Variants in DDX10 observed in about 807,000 individuals in gnomAD.
DDX10 encodes the protein DEAD-box helicase 10.
Under a neutral mutation model 104.3 loss-of-function variants are expected in DDX10, and 74 were observed. The observed-to-expected ratio is 0.71, with a 90% CI of 0.59 to 0.86. The LOEUF is 0.86. DDX10 is among the 40% of genes least tolerant of loss of function. The pLI is 0.00. For missense variants in DDX10, 952 were observed against 1,040.0 expected (o/e 0.92, Z 1.16); for synonymous variants, 351 against 353.4 (o/e 0.99, Z 0.08).
At chr11:108,879,530 G>A (rs1863199288) in intron 16 of DDX10, among the ~76,000 whole-genome samples, 1 of 152,128 alleles carries the variant, frequency 6.6e-6, no homozygotes, top group South Asian at 2.1e-4. Flanking sequence ...GATAAGATTT[G>A]CAGCAGATTT....
rs1264141058 is a variant in DDX10 at position 108,693,897 on chromosome 11, T to A, written c.1223+297T>A. 2.0e-5 allele frequency among the ~76,000 whole-genome samples: 3 copies of A among 152,222 alleles called. No individual in the cohort carries two copies. The East Asian group carries it at 5.8e-4, about 29-fold the overall frequency. On this transcript the variant is annotated intron_variant, in intron 9 of 17. Transcript: ENST00000322536. ...ATGACCTGTCAGTTAGGTCTAGGACTGCAGTAGTCCTCACTTATCCTCAGG... is the reference window on the plus strand; with the variant it reads ...ATGACCTGTCAGTTAGGTCTAGGACAGCAGTAGTCCTCACTTATCCTCAGG...
At chr11:108,934,898 T>TG (rs952940906) in intron 17 of DDX10, among the ~76,000 whole-genome samples, 3 of 152,202 alleles carry the variant, frequency 2.0e-5, no homozygotes, top group Admixed American at 6.5e-5. Context: ...TTGAGTGTTC[T>TG]GGGGGTGCTC....
Position 108,675,687 on chromosome 11 carries a change from C to T in DDX10, c.339C>T (p.Ala113=). ...AAGGTAAAGATGTACTTGGAGCGGC[C>T]AAAACTGGATCTGGCAAGACTCTGG... ...ALQGKDVLGA[A]KTGSGKTLAF... is the part of the protein sequence containing the mutation. The change falls in exon 3 of 18, where the codon GCC becomes GCT. Residue 113 remains alanine (A), a synonymous_variant. Coordinates refer to ENST00000322536, the MANE Select transcript of DDX10 (RefSeq NM_004398.4). 1.2e-6 allele frequency: 2 copies of T among 1,614,128 alleles called. No homozygotes were observed. The highest frequency in any genetic ancestry group is 1.7e-6 in the Non-Finnish European group (2 of 1,180,018).
intron 13 of DDX10, among the ~76,000 whole-genome samples, chr11:108,759,146 T>A (rs1189333499): frequency 6.6e-6 from 1 of 152,106 alleles, no homozygotes; most frequent in Non-Finnish European, 1.5e-5. Context: ...GCTAATAAAA[T>A]AAATTGGAAA....
intron 17 of DDX10, among the ~76,000 whole-genome samples, chr11:108,925,334 C>CT (rs1863894943): frequency 6.6e-6 from 1 of 152,148 alleles, no homozygotes; most frequent in African/African-American, 2.4e-5. Flanking sequence ...GCTTTCTACT[C>CT]TATCATTTAG....
At chr11:108,878,652 TG>T (rs1317676871) in intron 16 of DDX10, among the ~76,000 whole-genome samples, 1 of 152,238 alleles carries the variant, frequency 6.6e-6, no homozygotes, top group Non-Finnish European at 1.5e-5. Flanking sequence ...CATGTTATCA[TG>T]GGATTCTCTA....
intron 16 of DDX10, among the ~76,000 whole-genome samples, chr11:108,885,266 A>G (rs915503901): frequency 1.3e-5 from 2 of 151,496 alleles, no homozygotes; most frequent in Non-Finnish European, 1.5e-5. Flanking sequence ...TGGTACCTCT[A>G]GTAGCTCCTC....
chr11:108,709,472 A>G (rs2094281088), intron 10 of DDX10, among the ~76,000 whole-genome samples: 2 of 152,244 alleles, frequency 1.3e-5, no homozygotes, highest in Admixed American at 6.5e-5. Context: ...TTTAATAGAT[A>G]GTAGCCTATT....
intron 16 of DDX10, among the ~76,000 whole-genome samples, chr11:108,889,677 C>T (rs1863348873): frequency 6.6e-6 from 1 of 152,108 alleles, no homozygotes. Flanking sequence ...GTTATTTAAT[C>T]ATAGAATAGC....
chr11:108,722,265 G>A (rs2094299237), intron 12 of DDX10, among the ~76,000 whole-genome samples: 1 of 152,112 alleles, frequency 6.6e-6, no homozygotes, highest in Non-Finnish European at 1.5e-5. Context: ...TGATGTTACT[G>A]TTTATTCAGA....
At chr11:108,766,353 G>A (rs187484465) in intron 13 of DDX10, among the ~76,000 whole-genome samples, 5 of 152,270 alleles carry the variant, frequency 3.3e-5, no homozygotes, top group Admixed American at 2.6e-4. Context: ...GTCATCATGA[G>A]AATAAGGTAG....
chr11:108,694,735 G>T (rs537107734), intron 9 of DDX10, among the ~76,000 whole-genome samples: 1 of 152,210 alleles, frequency 6.6e-6, no homozygotes, highest in East Asian at 1.9e-4. Context: ...AAAAAAATCA[G>T]CCAGGAGTGG....
chr11:108,769,017 AT>A (rs141850245), intron 13 of DDX10, among the ~76,000 whole-genome samples: 8 of 152,266 alleles, frequency 5.3e-5, no homozygotes, highest in African/African-American at 1.9e-4. Context: ...TGAAGGTATT[AT>A]CCCATTGTCT....
At chr11:108,733,516 CATGTT>C (rs1479371507) in intron 13 of DDX10, among the ~76,000 whole-genome samples, 1 of 152,144 alleles carries the variant, frequency 6.6e-6, no homozygotes, top group Admixed American at 6.6e-5. Flanking sequence ...GTGTTGTTGT[CATGTT>C]ACAAGTTCAG....
chr11:108,870,379 C>T (rs1465099448), intron 16 of DDX10, among the ~76,000 whole-genome samples: 2 of 152,126 alleles, frequency 1.3e-5, no homozygotes, highest in Admixed American at 6.5e-5. Flanking sequence ...CTGTTCAGAC[C>T]CCCATCCTTT....
intron 13 of DDX10, among the ~76,000 whole-genome samples, chr11:108,786,911 A>C (rs1161873018): frequency 6.6e-6 from 1 of 152,052 alleles, no homozygotes; most frequent in Non-Finnish European, 1.5e-5. Context: ...TGCTTTGTAG[A>C]GTTGGTTGTG....
At chr11:108,701,545 G>C (rs916375676) in intron 9 of DDX10, among the ~76,000 whole-genome samples, 3 of 151,968 alleles carry the variant, frequency 2.0e-5, no homozygotes, top group African/African-American at 4.8e-5. Context: ...GTATAATGTA[G>C]AAATAAGAAA....
intron 13 of DDX10, among the ~76,000 whole-genome samples, chr11:108,743,861 A>C (rs1459891247): frequency 6.6e-6 from 1 of 152,022 alleles, no homozygotes; most frequent in Admixed American, 6.6e-5. Context: ...TGCTGCTTGA[A>C]CCCTTTGTCC....
Position 108,848,232 on chromosome 11 carries a change from G to A in DDX10, c.2248-3921G>A, listed in dbSNP as rs1862745062. 2.0e-5 allele frequency among the ~76,000 whole-genome samples: 3 copies of A among 152,094 alleles called. No individual in the cohort carries two copies. The South Asian group carries it at 6.2e-4, about 32-fold the overall frequency. On this transcript the variant is annotated intron_variant, in intron 15 of 17. Coordinates refer to ENST00000322536, the MANE Select transcript of DDX10 (RefSeq NM_004398.4). Reference sequence around the variant, plus strand: ...CTTATTCCTGAATGTTCATTGCATAGCTAGATATGTACATATACTAGTGCC... The same window carrying A: ...CTTATTCCTGAATGTTCATTGCATAACTAGATATGTACATATACTAGTGCC...
Sources: gnomAD v4.1 joint callset for allele counts (sites outside exome capture counted in the v4.1 genomes callset) on GRCh38, gnomAD v4.1.1 for gene constraint, MANE v1.5 for transcripts, NCBI Gene and HGNC (gene_info 2026-07-23, HGNC 2026-07-21) for gene names.